GATB: variants seen among roughly 807,000 people sequenced by gnomAD.
GATB encodes glutamyl-tRNA amidotransferase subunit B, also known as glutamyl-tRNA(Gln) amidotransferase subunit B, mitochondrial.
Under a neutral mutation model 62.3 loss-of-function variants are expected in GATB, and 39 were observed. The ratio of observed to expected loss-of-function variants is 0.63; its 90% CI spans 0.48 to 0.82. GATB has a LOEUF of 0.82. Ranked by LOEUF, GATB falls within the 40% of genes least tolerant of loss-of-function variation. GATB has a pLI of 0.00. For missense variants in GATB, 670 were observed against 684.0 expected (o/e 0.98, Z 0.23); for synonymous variants, 276 against 258.9 (o/e 1.07, Z -0.63).
chr4:151,760,739 C>T (rs1356528333), intron 1 of GATB, 68 bp downstream of exon 1: 55 of 1,403,000 alleles, frequency 3.9e-5, no homozygotes, highest in Non-Finnish European at 4.9e-5. Flanking sequence ...GCCGTAATTG[C>T]CATTATTTCC....
chr4:151,710,178 C>T (rs1390045210), intron 5 of GATB, among the ~76,000 whole-genome samples: 3 of 152,176 alleles, frequency 2.0e-5, no homozygotes, highest in Non-Finnish European at 4.4e-5. Context: ...TGGCCTCCAT[C>T]TTTAAGACCA....
intron 10 of GATB, among the ~76,000 whole-genome samples, chr4:151,682,577 G>C (rs1344357111): frequency 6.6e-6 from 1 of 152,074 alleles, no homozygotes; most frequent in Non-Finnish European, 1.5e-5. Flanking sequence ...GGAGGGGAAA[G>C]GGGCTCTTTC....
At chr4:151,677,090 T>C (rs1738023350) in intron 11 of GATB, among the ~76,000 whole-genome samples, 1 of 152,174 alleles carries the variant, frequency 6.6e-6, no homozygotes, top group African/African-American at 2.4e-5. Flanking sequence ...TGGTCATCTA[T>C]CTAATCACTT....
chr4:151,681,713 T>C (rs1738141612), intron 10 of GATB, among the ~76,000 whole-genome samples: 1 of 152,212 alleles, frequency 6.6e-6, no homozygotes, highest in South Asian at 2.1e-4. Context: ...ACATGGCTTA[T>C]AAACCATGGA....
rs936606481 is a variant in GATB, at chr4:151,718,596, C to T, written c.441+829G>A. Among the ~76,000 whole-genome samples the T allele has an allele frequency of 4.6e-5, 7 of 152,146 alleles. No individual in the cohort carries two copies. In the East Asian group the frequency reaches 7.7e-4, roughly 17 times the overall value. ...GGGAAAAGCAGCAGCCACTGGAGAA[C>T]GCAGGTCTTACTTGTATTTTTTATT... is the stretch of plus-strand genomic sequence containing the variant. On this transcript the variant is annotated intron_variant, in intron 3 of 12. Transcript: ENST00000263985.
chr4:151,738,137 C>A (rs1049545095), intron 2 of GATB, among the ~76,000 whole-genome samples: 21 of 152,168 alleles, frequency 1.4e-4, no homozygotes, highest in African/African-American at 4.8e-4. Context: ...CACAGACACT[C>A]AATGCCAGCC....
chr4:151,744,861 T>C (rs1045256306), intron 2 of GATB, among the ~76,000 whole-genome samples: 2 of 152,324 alleles, frequency 1.3e-5, no homozygotes. Context: ...TCCGGTTAAC[T>C]AAGTTATAAG....
At chr4:151,688,096 C>T (rs749396671) in intron 10 of GATB, among the ~76,000 whole-genome samples, 2 of 152,186 alleles carry the variant, frequency 1.3e-5, no homozygotes, top group South Asian at 2.1e-4. Flanking sequence ...CAGCTTCTGG[C>T]GTTCCTGAGC....
chr4:151,734,673 A>G (rs1739334775), intron 2 of GATB, among the ~76,000 whole-genome samples: 1 of 152,196 alleles, frequency 6.6e-6, no homozygotes, highest in Non-Finnish European at 1.5e-5. Flanking sequence ...ACACTACCTG[A>G]TTTTAAACTA....
chr4:151,741,918 A>T (rs942400940), intron 2 of GATB, among the ~76,000 whole-genome samples: 1 of 152,198 alleles, frequency 6.6e-6, no homozygotes, highest in Non-Finnish European at 1.5e-5. Flanking sequence ...GAGAGAGTGC[A>T]TCCTTGCACA....
At chr4:151,729,823 C>T (rs973094661) in intron 2 of GATB, among the ~76,000 whole-genome samples, 2 of 152,092 alleles carry the variant, frequency 1.3e-5, no homozygotes, top group Admixed American at 1.3e-4. Flanking sequence ...AGGAGAGTCC[C>T]TAAAGGAGGC....
intron 9 of GATB, among the ~76,000 whole-genome samples, chr4:151,701,048 G>C (rs1738591154): frequency 6.6e-6 from 1 of 152,162 alleles, no homozygotes; most frequent in Non-Finnish European, 1.5e-5. Flanking sequence ...CAGTCTTCAA[G>C]AAGTCTCCAC....
At chr4:151,754,383 TCC>T (rs1739781002) in intron 2 of GATB, among the ~76,000 whole-genome samples, 1 of 152,222 alleles carries the variant, frequency 6.6e-6, no homozygotes, top group Non-Finnish European at 1.5e-5. Flanking sequence ...TCCTATGTGC[TCC>T]TCAAGCACCT....
rs752819572 is a variant in GATB, at chr4:151,730,522, C to T, written c.328-10984G>A. On this transcript the variant is annotated intron_variant, in intron 2 of 12. Transcript: ENST00000263985. The surrounding 1 kb of genome is among the most constrained non-coding windows in gnomAD (Gnocchi z 4.1). ...CTAAGGACTCCCACGGAGTCCACTG[C>T]ACCCTCTGCCACCTTCACCAGAACA... 6.6e-6 allele frequency among the ~76,000 whole-genome samples: 1 copy of T among 152,224 alleles called. No individual in the cohort carries two copies. Among genetic ancestry groups the T allele is most frequent in the African/African-American group, 2.4e-5 (1 of 41,464 alleles).
chr4:151,715,998 G>A lies in GATB; in HGVS notation c.763+11C>T, dbSNP rs963964742. 3.1e-6 allele frequency: 5 copies of A among 1,612,742 alleles called. No individual in the cohort carries two copies. In the African/African-American group the frequency reaches 6.7e-5, roughly 22 times the overall value. ...AGAGGGAAAGAAGAATACTGCTTCT[G>A]TGGCTTCTACCTGCCATGTTCGCCT... On this transcript the variant is annotated intron_variant, in intron 5 of 12. Coordinates refer to ENST00000263985, the MANE Select transcript of GATB (RefSeq NM_004564.3).
At chr4:151,686,642 T>TCCCCCCCCCCCCCCCCCCCCCCCCCCC (rs1553966443) in intron 10 of GATB, among the ~76,000 whole-genome samples, 3 of 73,474 alleles carry the variant, frequency 4.1e-5, no homozygotes, top group African/African-American at 8.8e-5. Flanking sequence ...GTGTCACCAG[T>TCCCCCCCCCCCCCCCCCCCCCCCCCCC]CCCCGCCCCG....
At chr4:151,740,576 G>C (rs570620356) in intron 2 of GATB, among the ~76,000 whole-genome samples, 5 of 152,194 alleles carry the variant, frequency 3.3e-5, no homozygotes, top group Non-Finnish European at 5.9e-5. Context: ...CATATATGTA[G>C]TCTGTTGTTA....
rs1739895025 is a variant in GATB, at chr4:151,758,936, G to C, written c.177-14C>G. 6.3e-7 allele frequency: 1 copy of C among 1,581,788 alleles called. No homozygotes were observed. Among genetic ancestry groups the C allele is most frequent in the Non-Finnish European group, 8.6e-7 (1 of 1,162,836 alleles). ...CATTTGTGTTCACTAAGAAGAAAGA[G>C]ATAATGGTTAAGATGTATTATATTT... On this transcript the variant is annotated splice_polypyrimidine_tract_variant and intron_variant, in intron 1 of 12. Transcript: ENST00000263985.
In GATB at chr4:151,672,874, C is replaced by T; in HGVS notation, c.1433G>A (p.Arg478Lys). The change falls in exon 12 of 13, where the codon AGG becomes AAG. Residue 478 changes from arginine to lysine, a missense_variant. Transcript: ENST00000263985. ...AKQVFEELWKREGKTPGQIVS... is the reference protein window; with the variant it reads ...AKQVFEELWKKEGKTPGQIVS... ...AATCTGCCCTGGAGTCTTGCCTTCC[C>T]TCTTCCACAGTTCCTCAAACACCTA... The T allele has an allele frequency of 6.2e-7, 1 of 1,614,236 alleles. No individual in the cohort carries two copies. The highest frequency in any genetic ancestry group is 1.1e-5 in the South Asian group (1 of 91,084).
Sources: gnomAD v4.1 joint callset for allele counts (sites outside exome capture counted in the v4.1 genomes callset) on GRCh38, gnomAD v4.1.1 for gene constraint, Gnocchi (gnomAD v3.1) non-coding constraint, MANE v1.5 for transcripts, NCBI Gene and HGNC (gene_info 2026-07-23, HGNC 2026-07-21) for gene names.